TSPAN9: variants seen among roughly 807,000 people sequenced by gnomAD.
The protein encoded by TSPAN9 is tetraspanin-9.
TSPAN9 carries 16 observed loss-of-function variants against 31.0 expected under a neutral mutation model. The observed-to-expected ratio is 0.52, with a 90% CI of 0.35 to 0.78. The LOEUF (loss-of-function observed/expected upper bound fraction) is 0.78. Among genes scored for constraint, TSPAN9 ranks in the 30% least tolerant of loss-of-function variants. The pLI is 0.01. For synonymous variants in TSPAN9, 145 were observed against 121.6 expected, an observed-to-expected ratio of 1.19 and a Z score of -1.27; for missense variants, 272 against 312.5, an observed-to-expected ratio of 0.87 and a Z score of 0.98.
chr12:3,212,865 A>G (rs1265986241), intron 3 of TSPAN9, among the ~76,000 whole-genome samples: 1 of 152,136 alleles, frequency 6.6e-6, no homozygotes, highest in African/African-American at 2.4e-5. Flanking sequence ...TCCAGGGACT[A>G]TGAGAAGGGT....
intron 3 of TSPAN9, among the ~76,000 whole-genome samples, chr12:3,235,648 G>T (rs967907876): frequency 6.6e-6 from 1 of 152,146 alleles, no homozygotes; most frequent in East Asian, 1.9e-4. Flanking sequence ...GGAAGGTGTC[G>T]ACTGCATCCT....
intron 3 of TSPAN9, among the ~76,000 whole-genome samples, chr12:3,272,069 A>G (rs55952697): frequency 0.045 from 6,828 of 152,254 alleles, 492 homozygotes; most frequent in African/African-American, 0.16. Context: ...ATTAGGGAGC[A>G]CTCAGTCCTA....
At chr12:3,202,056 G>C (rs571207470) in intron 3 of TSPAN9, among the ~76,000 whole-genome samples, 50 of 152,380 alleles carry the variant, frequency 3.3e-4, no homozygotes, top group African/African-American at 1.1e-3. Flanking sequence ...GAGAAGGTAT[G>C]AATGGGTAGG....
Position 3,091,238 on chromosome 12 carries a change from C to T in TSPAN9, c.-18+7519C>T, listed in dbSNP as rs150693353. On this transcript the variant is annotated intron_variant, in intron 2 of 8. Coordinates refer to ENST00000011898, the MANE Select transcript of TSPAN9 (RefSeq NM_006675.5). ...CTACGCTCCAGGCTTCCTCCGCATC[C>T]GCTCATAACCTCGGATATGAAATAA... Among the ~76,000 whole-genome samples, 472 of 152,364 alleles carry T rather than the reference C, an allele frequency of 3.1e-3. 1 individual carries two copies. The highest frequency in any genetic ancestry group is 0.01 in the African/African-American group (433 of 41,584).
intron 3 of TSPAN9, among the ~76,000 whole-genome samples, chr12:3,268,151 C>A (rs1862572287): frequency 6.8e-6 from 1 of 147,490 alleles, no homozygotes; most frequent in African/African-American, 2.5e-5. Context: ...TGCAGCCTGC[C>A]CTCCGTGCAT....
At position 3,283,138 on chromosome 12, in the gene TSPAN9, A is replaced by AC; in HGVS notation, c.*26dup. On this transcript the variant is annotated 3_prime_UTR_variant, in exon 9 of 9. Coordinates refer to ENST00000011898, the MANE Select transcript of TSPAN9 (RefSeq NM_006675.5). ...ATGAGCGGGCTGGCCGGGAGTGCCC[A>AC]CCCCGCCCTGCTGCCCTGTGGAGGG... The AC allele has an allele frequency of 6.2e-7, 1 of 1,604,384 alleles. No homozygotes were observed. Among genetic ancestry groups the AC allele is most frequent in the Non-Finnish European group, 8.5e-7 (1 of 1,179,162 alleles).
intron 2 of TSPAN9, among the ~76,000 whole-genome samples, chr12:3,183,828 T>G (rs552897412): frequency 6.6e-6 from 1 of 152,292 alleles, no homozygotes; most frequent in Non-Finnish European, 1.5e-5. Context: ...TGGCCTCAGG[T>G]GTGTGCCACT....
At chr12:3,166,800 GT>G (rs2098348656) in intron 2 of TSPAN9, among the ~76,000 whole-genome samples, 1 of 151,920 alleles carries the variant, frequency 6.6e-6, no homozygotes, top group South Asian at 2.1e-4. Flanking sequence ...TTTTGTTTTT[GT>G]TTTTTTCTTC....
At chr12:3,157,581 C>G (rs1014898433) in intron 2 of TSPAN9, among the ~76,000 whole-genome samples, 13 of 152,176 alleles carry the variant, frequency 8.5e-5, no homozygotes, top group African/African-American at 2.7e-4. Flanking sequence ...CTAAAATAGT[C>G]TTTGGCATAT....
intron 2 of TSPAN9, among the ~76,000 whole-genome samples, chr12:3,181,188 T>C (rs1310731518): frequency 6.6e-6 from 1 of 152,282 alleles, no homozygotes; most frequent in East Asian, 1.9e-4. Flanking sequence ...AGGGGAAGAC[T>C]AATTGCATTA....
intron 3 of TSPAN9, among the ~76,000 whole-genome samples, chr12:3,206,599 T>G (rs1006822710): frequency 9.2e-5 from 14 of 152,050 alleles, no homozygotes; most frequent in East Asian, 1.9e-4. Flanking sequence ...GTTTTGTTTT[T>G]TTTTTTCCTT....
chr12:3,246,262 G>A (rs550249832), intron 3 of TSPAN9, among the ~76,000 whole-genome samples: 1 of 152,108 alleles, frequency 6.6e-6, no homozygotes, highest in African/African-American at 2.4e-5. Flanking sequence ...AGCATCAAGG[G>A]GATGGTGCTA....
rs543668777 is a variant in TSPAN9 at position 3,234,225 on chromosome 12, A to G, written c.63+32969A>G. Among the ~76,000 whole-genome samples the G allele has an allele frequency of 3.9e-5, 6 of 152,322 alleles. No homozygotes were observed. The South Asian group carries it at 6.2e-4, about 16-fold the overall frequency. ...AAGGTGGTTTGGGCAGTTTTCTTCT[A>G]CACCATCCCAGATTTAAATCCTGGC... On this transcript the variant is annotated intron_variant, in intron 3 of 8. Transcript: ENST00000011898.
At chr12:3,154,586 C>T (rs1170155763) in intron 2 of TSPAN9, among the ~76,000 whole-genome samples, 1 of 152,216 alleles carries the variant, frequency 6.6e-6, no homozygotes, top group East Asian at 1.9e-4. Flanking sequence ...CTCCCTTCCT[C>T]CCTCTCTTCC....
chr12:3,112,005 A>G (rs2098319029), intron 2 of TSPAN9, among the ~76,000 whole-genome samples: 1 of 152,062 alleles, frequency 6.6e-6, no homozygotes, highest in Non-Finnish European at 1.5e-5. Context: ...CAAATCGAGG[A>G]CAGGTCGCCT....
At chr12:3,182,942 C>G (rs374617094) in intron 2 of TSPAN9, among the ~76,000 whole-genome samples, 8 of 152,190 alleles carry the variant, frequency 5.3e-5, no homozygotes, top group Non-Finnish European at 8.8e-5. Flanking sequence ...GCCGCATGGT[C>G]GGAGACAGAT....
chr12:3,138,737 G>A (rs1023637668), intron 2 of TSPAN9, among the ~76,000 whole-genome samples: 1 of 151,784 alleles, frequency 6.6e-6, no homozygotes, highest in African/African-American at 2.4e-5. Context: ...CAAGTGATTC[G>A]CCCACCTTAG....
chr12:3,127,820 C>T (rs1375703029), intron 2 of TSPAN9, among the ~76,000 whole-genome samples: 1 of 152,130 alleles, frequency 6.6e-6, no homozygotes, highest in Non-Finnish European at 1.5e-5. Context: ...TTCATGGGGT[C>T]TTGCTATGTT....
At chr12:3,089,763 G>C (rs770322541) in intron 2 of TSPAN9, among the ~76,000 whole-genome samples, 1 of 151,756 alleles carries the variant, frequency 6.6e-6, no homozygotes, top group Non-Finnish European at 1.5e-5. Flanking sequence ...ATTAAAAAAC[G>C]TAGCCAGGCA....
Sources: gnomAD v4.1 joint callset for allele counts (sites outside exome capture counted in the v4.1 genomes callset) on GRCh38, gnomAD v4.1.1 for gene constraint, MANE v1.5 for transcripts, NCBI Gene and HGNC (gene_info 2026-07-23, HGNC 2026-07-21) for gene names.